CNTNAP5: variants seen among roughly 807,000 people sequenced by gnomAD.
CNTNAP5 encodes the protein contactin-associated protein-like 5.
Under a neutral mutation model 150.2 loss-of-function variants are expected in CNTNAP5, and 72 were observed. That is an observed-to-expected ratio of 0.48 (90% CI 0.40 to 0.58). CNTNAP5 has a LOEUF of 0.58. CNTNAP5 is among the 20% of genes least tolerant of loss of function. The pLI, the probability that CNTNAP5 is intolerant of heterozygous loss-of-function variation, is 0.00. For missense variants in CNTNAP5, 1,636 were observed against 1,626.2 expected, an observed-to-expected ratio of 1.01 and a Z score of -0.10; for synonymous variants, 672 against 619.8, an observed-to-expected ratio of 1.08 and a Z score of -1.25.
intron 13 of CNTNAP5, among the ~76,000 whole-genome samples, chr2:124,665,209 A>G (rs1014401518): frequency 1.3e-5 from 2 of 152,242 alleles, no homozygotes; most frequent in African/African-American, 4.8e-5. Context: ...TCTATCTACT[A>G]TAAAGTGAAT....
At chr2:124,771,215 C>T (rs1345824922) in intron 16 of CNTNAP5, among the ~76,000 whole-genome samples, 1 of 152,014 alleles carries the variant, frequency 6.6e-6, no homozygotes, top group Admixed American at 6.6e-5. Flanking sequence ...AAATAAATAC[C>T]CATTTCCTAT....
chr2:124,166,585 T>C (rs1359292243), intron 1 of CNTNAP5, among the ~76,000 whole-genome samples: 1 of 152,192 alleles, frequency 6.6e-6, no homozygotes, highest in East Asian at 1.9e-4. Flanking sequence ...TGACTTCCAC[T>C]TTTACTTATT....
chr2:124,634,968 G>A (rs1677942701), intron 12 of CNTNAP5, among the ~76,000 whole-genome samples: 1 of 152,168 alleles, frequency 6.6e-6, no homozygotes, highest in African/African-American at 2.4e-5. Context: ...AATATCTGCT[G>A]ATTACCCAAT....
At chr2:124,600,322 C>T (rs187795772) in intron 11 of CNTNAP5, among the ~76,000 whole-genome samples, 145 of 152,152 alleles carry the variant, frequency 9.5e-4, no homozygotes, top group African/African-American at 3.3e-3. Context: ...ATTCACCTGG[C>T]TAGAAATTAG....
At position 124,918,743 on chromosome 2, in the gene CNTNAP5, G is replaced by C. The variant is rs1678817444; in HGVS notation, c.*4455G>C. ...CCAGTCATTCTTCCTTAATGAAAAGGCTTGGACATACTTAGTCCTCAATTA... is the reference window on the plus strand; with the variant it reads ...CCAGTCATTCTTCCTTAATGAAAAGCCTTGGACATACTTAGTCCTCAATTA... On this transcript the variant is annotated 3_prime_UTR_variant, in exon 24 of 24. Coordinates refer to ENST00000682447, the MANE Select transcript of CNTNAP5 (RefSeq NM_001367498.1). Among the ~76,000 whole-genome samples, 1 of 152,030 alleles carries C rather than the reference G, an allele frequency of 6.6e-6. No homozygotes were observed. The highest frequency in any genetic ancestry group is 2.4e-5 in the African/African-American group (1 of 41,412).
intron 3 of CNTNAP5, among the ~76,000 whole-genome samples, chr2:124,289,071 G>A (rs1041638843): frequency 1.3e-5 from 2 of 152,176 alleles, no homozygotes; most frequent in African/African-American, 2.4e-5. Flanking sequence ...TATATAATCA[G>A]AGGGGTTAGG....
intron 3 of CNTNAP5, among the ~76,000 whole-genome samples, chr2:124,394,671 T>C (rs919798796): frequency 2.0e-5 from 3 of 152,230 alleles, no homozygotes; most frequent in East Asian, 3.9e-4. Flanking sequence ...AACAGCTCTC[T>C]TATAAACCCA....
intron 3 of CNTNAP5, among the ~76,000 whole-genome samples, chr2:124,358,366 A>G (rs981963657): frequency 6.6e-6 from 1 of 152,156 alleles, no homozygotes; most frequent in African/African-American, 2.4e-5. Context: ...GAGAGAGGGC[A>G]TCCCTGTCTT....
chr2:124,400,685 T>TTTTTTTG (rs1558884204), intron 3 of CNTNAP5, among the ~76,000 whole-genome samples: 2 of 140,972 alleles, frequency 1.4e-5, no homozygotes, highest in African/African-American at 2.6e-5. Context: ...TTTTTTTTTT[T>TTTTTTTG]TTTGTTTTTT....
chr2:124,352,341 C>T (rs577054852), intron 3 of CNTNAP5, among the ~76,000 whole-genome samples: 22 of 152,152 alleles, frequency 1.4e-4, no homozygotes, highest in Non-Finnish European at 3.2e-4. Context: ...CTCAATCACA[C>T]TACCGTTTTA....
chr2:124,172,541 T>A (rs944236609), intron 1 of CNTNAP5, among the ~76,000 whole-genome samples: 2 of 152,292 alleles, frequency 1.3e-5, no homozygotes, highest in South Asian at 2.1e-4. Context: ...GCCTTCCCAG[T>A]AGCTGGGTCT....
intron 1 of CNTNAP5, among the ~76,000 whole-genome samples, chr2:124,179,068 C>T (rs1365426375): frequency 6.6e-6 from 1 of 151,792 alleles, no homozygotes. Context: ...CACCCACTCA[C>T]TCCCATTCCA....
intron 19 of CNTNAP5, among the ~76,000 whole-genome samples, chr2:124,837,909 C>G (rs1682863138): frequency 6.6e-6 from 1 of 152,050 alleles, no homozygotes; most frequent in South Asian, 2.1e-4. Flanking sequence ...TGTTCAAAAC[C>G]ACACTGACTT....
intron 1 of CNTNAP5, among the ~76,000 whole-genome samples, chr2:124,027,934 A>G (rs1680943005): frequency 1.3e-5 from 2 of 152,210 alleles, no homozygotes; most frequent in Non-Finnish European, 1.5e-5. Flanking sequence ...AATATGCATT[A>G]AAATTCCACA....
chr2:124,527,279 C>T lies in CNTNAP5; in HGVS notation c.1478-6C>T, dbSNP rs963185789. The T allele has an allele frequency of 6.2e-7, 1 of 1,610,430 alleles. No homozygotes were observed. The highest frequency in any genetic ancestry group is 8.5e-7 in the Non-Finnish European group (1 of 1,178,254). ...TTCTTCTTCATCTTTTTTCTCTGTC[C>T]CACAGGGTGCCCCGACAATCTCACC... On this transcript the variant is annotated splice_polypyrimidine_tract_variant and splice_region_variant and intron_variant, in intron 9 of 23. Transcript: ENST00000682447.
chr2:124,863,308 C>T (rs370488108), intron 19 of CNTNAP5, among the ~76,000 whole-genome samples: 2 of 152,170 alleles, frequency 1.3e-5, no homozygotes, highest in African/African-American at 2.4e-5. Flanking sequence ...CACCAGTGCA[C>T]GAGATGGGCC....
intron 12 of CNTNAP5, among the ~76,000 whole-genome samples, chr2:124,612,169 A>G (rs897632897): frequency 1.3e-5 from 2 of 152,214 alleles, no homozygotes; most frequent in Admixed American, 6.5e-5. Flanking sequence ...AAAAGTATGA[A>G]GGAAATATTA....
intron 11 of CNTNAP5, 149 bp from the exon 12 acceptor site, chr2:124,609,652 T>A: frequency 1.5e-6 from 1 of 652,466 alleles, no homozygotes; most frequent in South Asian, 2.6e-5. Context: ...CCACTGGTAC[T>A]GGTGTGTTAA....
chr2:124,499,687 C>T (rs1483785203), intron 7 of CNTNAP5, among the ~76,000 whole-genome samples: 1 of 152,120 alleles, frequency 6.6e-6, no homozygotes, highest in Non-Finnish European at 1.5e-5. Flanking sequence ...CCACACTTGC[C>T]CCTCCAGCAC....
Sources: allele counts gnomAD v4.1 joint callset (sites outside exome capture counted in the v4.1 genomes callset), GRCh38; gene constraint gnomAD v4.1.1; transcripts MANE v1.5; gene names NCBI Gene and HGNC (gene_info 2026-07-23, HGNC 2026-07-21).